MPPED2: variants seen among roughly 807,000 people sequenced by gnomAD.
MPPED2 encodes metallophosphoesterase domain containing 2.
In MPPED2, 5 loss-of-function variants were observed where a neutral mutation model predicts 33.0. The ratio of observed to expected loss-of-function variants is 0.15; its 90% CI spans 0.08 to 0.32. The LOEUF (loss-of-function observed/expected upper bound fraction) is 0.32. MPPED2 is among the 10% of genes least tolerant of loss of function. The pLI is 1.00. For missense variants in MPPED2, 275 were observed against 372.1 expected, an observed-to-expected ratio of 0.74 and a Z score of 2.15; for synonymous variants, 136 against 141.9, an observed-to-expected ratio of 0.96 and a Z score of 0.29.
chr11:30,396,959 C>G (rs1025681522), intron 6 of MPPED2, among the ~76,000 whole-genome samples: 2 of 152,142 alleles, frequency 1.3e-5, no homozygotes, highest in Non-Finnish European at 2.9e-5. Flanking sequence ...TCTTCTATCT[C>G]TCTTCTTTAT....
At chr11:30,537,337 A>G (rs1954862837) in intron 2 of MPPED2, among the ~76,000 whole-genome samples, 1 of 152,250 alleles carries the variant, frequency 6.6e-6, no homozygotes, top group African/African-American at 2.4e-5. Context: ...TGCAGAGATT[A>G]GAGTGTGAAA....
At chr11:30,394,164 C>T (rs567977602) in intron 6 of MPPED2, among the ~76,000 whole-genome samples, 1 of 152,184 alleles carries the variant, frequency 6.6e-6, no homozygotes, top group South Asian at 2.1e-4. Flanking sequence ...TTTGTTTATC[C>T]CTTTACCTGC....
intron 1 of MPPED2, among the ~76,000 whole-genome samples, chr11:30,583,411 C>CAG (rs1957288611): frequency 6.6e-6 from 1 of 152,060 alleles, no homozygotes; most frequent in African/African-American, 2.4e-5. Flanking sequence ...TCATTTTATA[C>CAG]TTCAACACAC....
intron 1 of MPPED2, chr11:30,584,376 A>ACACACACACCCC (rs1309532203): frequency 5.5e-4 from 40 of 72,912 alleles, no homozygotes; most frequent in African/African-American, 1.1e-3. Context: ...ACACACACAC[A>ACACACACACCCC]CCACATACAC....
At chr11:30,462,250 T>C (rs1950541033) in intron 4 of MPPED2, among the ~76,000 whole-genome samples, 1 of 152,186 alleles carries the variant, frequency 6.6e-6, no homozygotes, top group Non-Finnish European at 1.5e-5. Context: ...AGCATTCCTT[T>C]AACCTAACAA....
At position 30,393,603 on chromosome 11, in the gene MPPED2, T is replaced by A. The variant is rs1005830098; in HGVS notation, c.767-4647A>T. 2.3e-4 allele frequency among the ~76,000 whole-genome samples: 35 copies of A among 151,094 alleles called. 1 individual carries two copies. Among genetic ancestry groups the A allele is most frequent in the Non-Finnish European group, 8.9e-5 (6 of 67,636 alleles). ...TAACCTCCCAGGAGTTTTTGTTATGTTTAGAACTTCATCCTCTGTGCCTAA... is the reference window on the plus strand; with the variant it reads ...TAACCTCCCAGGAGTTTTTGTTATGATTAGAACTTCATCCTCTGTGCCTAA... On this transcript the variant is annotated intron_variant, in intron 6 of 6. Transcript: ENST00000448418.
chr11:30,462,769 T>C (rs1379364894), intron 4 of MPPED2, among the ~76,000 whole-genome samples: 2 of 152,154 alleles, frequency 1.3e-5, no homozygotes, highest in Non-Finnish European at 2.9e-5. Context: ...TGATGGAAAA[T>C]GAAGTAAATA....
intron 4 of MPPED2, among the ~76,000 whole-genome samples, chr11:30,449,664 G>C (rs1389745619): frequency 6.6e-6 from 1 of 152,124 alleles, no homozygotes; most frequent in Non-Finnish European, 1.5e-5. Flanking sequence ...AGAATCAGCA[G>C]ATACAGGAAA....
intron 4 of MPPED2, among the ~76,000 whole-genome samples, chr11:30,422,308 A>C (rs1948649109): frequency 6.6e-6 from 1 of 152,206 alleles, no homozygotes; most frequent in Non-Finnish European, 1.5e-5. Context: ...CTCTGAACAC[A>C]GCTGGCCAAA....
At chr11:30,539,598 T>C (rs1488288444) in intron 2 of MPPED2, among the ~76,000 whole-genome samples, 1 of 152,066 alleles carries the variant, frequency 6.6e-6, no homozygotes, top group Non-Finnish European at 1.5e-5. Context: ...TTGTGTTTGT[T>C]TGGTTTGTTG....
intron 2 of MPPED2, among the ~76,000 whole-genome samples, chr11:30,562,901 TA>T (rs1450559654): frequency 6.6e-6 from 1 of 152,028 alleles, no homozygotes. Context: ...ATTGTCTCTG[TA>T]AACAGGCAAG....
chr11:30,578,067 G>A (rs1957005146), intron 2 of MPPED2, among the ~76,000 whole-genome samples: 1 of 152,062 alleles, frequency 6.6e-6, no homozygotes, highest in Non-Finnish European at 1.5e-5. Context: ...AATGGAGGTG[G>A]TATAAAGTGT....
At chr11:30,505,231 G>A (rs1952766667) in intron 3 of MPPED2, among the ~76,000 whole-genome samples, 1 of 152,152 alleles carries the variant, frequency 6.6e-6, no homozygotes, top group Non-Finnish European at 1.5e-5. Context: ...TTATTTGTAA[G>A]CATTCTTGCC....
At chr11:30,420,069 T>C (rs1948544053) in intron 4 of MPPED2, among the ~76,000 whole-genome samples, 1 of 152,194 alleles carries the variant, frequency 6.6e-6, no homozygotes, top group African/African-American at 2.4e-5. Context: ...TACATCCTAA[T>C]ACCTGGAACC....
chr11:30,496,615 T>G (rs1342502701), intron 3 of MPPED2, among the ~76,000 whole-genome samples: 1 of 149,806 alleles, frequency 6.7e-6, no homozygotes, highest in African/African-American at 2.5e-5. Context: ...TAGCAGGAAA[T>G]TGGATACACT....
At chr11:30,525,562 A>G (rs751476805) in intron 3 of MPPED2, among the ~76,000 whole-genome samples, 1 of 152,068 alleles carries the variant, frequency 6.6e-6, no homozygotes, top group Non-Finnish European at 1.5e-5. Context: ...GGAGATGGGG[A>G]GATTTCAGGA....
intron 4 of MPPED2, among the ~76,000 whole-genome samples, chr11:30,452,513 G>A (rs1016246653): frequency 1.3e-5 from 2 of 152,140 alleles, no homozygotes; most frequent in African/African-American, 2.4e-5. Context: ...GAGGTTTTTC[G>A]CATCAAAATC....
chr11:30,411,045 A>T lies in MPPED2; in HGVS notation c.*423T>A, dbSNP rs987802034. On this transcript the variant is annotated 3_prime_UTR_variant, in exon 7 of 7. Transcript: ENST00000358117. ...ACCAAGAAAACAACAACAACAAAAC[A>T]TTGAAAATTAAAATATTTCAAACAA... is the stretch of plus-strand genomic sequence containing the variant. 3 of 985,952 alleles carry T rather than the reference A, an allele frequency of 3.0e-6. No individual in the cohort carries two copies. Among genetic ancestry groups the T allele is most frequent in the Non-Finnish European group, 3.6e-6 (3 of 830,074 alleles). 61.1% of individuals were successfully genotyped at this position (985,952 alleles called of 1,614,324 possible). A position where few individuals can be genotyped will look rare whatever the true frequency, so the allele number is the denominator to read the frequency against.
intron 4 of MPPED2, among the ~76,000 whole-genome samples, chr11:30,427,411 A>G (rs1353380435): frequency 6.6e-5 from 10 of 152,220 alleles, no homozygotes; most frequent in African/African-American, 2.4e-4. Context: ...AAGGGGATAT[A>G]CAGTTGGGGA....
Sources: gnomAD v4.1 joint callset for allele counts (sites outside exome capture counted in the v4.1 genomes callset) on GRCh38, gnomAD v4.1.1 for gene constraint, MANE v1.5 for transcripts, NCBI Gene and HGNC (gene_info 2026-07-23, HGNC 2026-07-21) for gene names.